The following COPS7B variants were observed in gnomAD, a reference collection of about 807,000 sequenced individuals.
The protein encoded by COPS7B is COP9 signalosome subunit 7B, also known as COP9 signalosome complex subunit 7b.
COPS7B carries 9 observed loss-of-function variants against 33.4 expected under a neutral mutation model. The ratio of observed to expected loss-of-function variants is 0.27; its 90% confidence interval spans 0.16 to 0.47. The LOEUF is 0.47. COPS7B is among the 20% of genes least tolerant of loss of function. The pLI, the probability that COPS7B is intolerant of heterozygous loss-of-function variation, is 0.99. For synonymous variants in COPS7B, 119 were observed against 126.3 expected, an observed-to-expected ratio of 0.94 and a Z score of 0.39; for missense variants, 242 against 318.2, an observed-to-expected ratio of 0.76 and a Z score of 1.82.
At chr2:231,805,100 G>A (rs1272492186) in intron 6 of COPS7B, among the ~76,000 whole-genome samples, 2 of 152,200 alleles carry the variant, frequency 1.3e-5, no homozygotes, top group Non-Finnish European at 2.9e-5. Flanking sequence ...TTAGGAGGCT[G>A]AGGCAGGCAA....
At chr2:231,786,394 G>T, upstream of COPS7B, 1 of 962,272 alleles carries the variant, frequency 1.0e-6, no homozygotes, top group Non-Finnish European at 1.2e-6. Context: ...GCGGTGGGAG[G>T]CTTCCGGGGG....
rs1354326196 is a variant in COPS7B at position 231,796,146 on chromosome 2, G to A, written c.368G>A (p.Arg123Gln). 8.1e-6 allele frequency: 13 copies of A among 1,613,924 alleles called. No homozygotes were observed. In the East Asian group the frequency reaches 1.3e-4, roughly 17 times the overall value. ...YSVLLKDLEM[R>Q]NLRELEDLII... is the part of the protein sequence containing the mutation. The stretch of plus-strand genomic sequence containing the variant: ...GTGTTGCTGAAAGACCTGGAGATGC[G>A]GAATCTCCGGGAACTAGAAGACCTT... Residue 123 changes from arginine (R) to glutamine (Q), a missense_variant, in exon 5 of 7, where the codon CGG becomes CAG. Arg to Gln is a conservative substitution (Grantham distance 43, BLOSUM62 1). Coordinates refer to ENST00000350033, the MANE Select transcript of COPS7B (RefSeq NM_022730.4).
intron 2 of COPS7B, 89 bp from the exon 3 acceptor site, chr2:231,791,644 T>C (rs1410089548): frequency 9.0e-7 from 1 of 1,116,290 alleles, no homozygotes; most frequent in Non-Finnish European, 1.4e-6. Context: ...CCATGGCATC[T>C]TTGACACATG....
At chr2:231,784,703 T>C (rs2049199047), upstream of COPS7B, among the ~76,000 whole-genome samples, 1 of 152,194 alleles carries the variant, frequency 6.6e-6, no homozygotes, top group South Asian at 2.1e-4. Flanking sequence ...CTGGGTGTTA[T>C]GCTCCCTCCC....
upstream of COPS7B, chr2:231,781,753 G>GC: frequency 7.4e-7 from 1 of 1,354,746 alleles, no homozygotes; most frequent in Non-Finnish European, 1.0e-6. Flanking sequence ...AAACCCGCCC[G>GC]CTGAGTTGGT....
chr2:231,794,122 A>G (rs536077766), intron 3 of COPS7B, 141 bp from the exon 4 acceptor site: 23 of 576,732 alleles, frequency 4.0e-5, no homozygotes, highest in African/African-American at 3.9e-4. Context: ...GAAGACAGGA[A>G]TATTTGTCAA....
chr2:231,807,371 A>G, intron 6 of COPS7B, 116 bp from the exon 7 acceptor site: 3 of 1,010,358 alleles, frequency 3.0e-6, no homozygotes, highest in Non-Finnish European at 4.2e-6. Flanking sequence ...TCTGAAGAGA[A>G]TTTCAGGTTT....
At chr2:231,803,857 A>G (rs1014978002) in intron 6 of COPS7B, among the ~76,000 whole-genome samples, 19 of 152,300 alleles carry the variant, frequency 1.2e-4, no homozygotes, top group African/African-American at 4.3e-4. Context: ...AAAAAGAGTA[A>G]AACAGCAAAG....
intron 6 of COPS7B, among the ~76,000 whole-genome samples, chr2:231,804,225 A>G (rs971844947): frequency 6.6e-6 from 1 of 151,446 alleles, no homozygotes; most frequent in Non-Finnish European, 1.5e-5. Flanking sequence ...AATAATGTAG[A>G]AAACTATTTG....
Position 231,794,345 on chromosome 2 carries a change from A to C in COPS7B, c.321A>C (p.Arg107Ser). The C allele has an allele frequency of 6.2e-7, 1 of 1,613,722 alleles. No individual in the cohort carries two copies. The highest frequency in any genetic ancestry group is 2.2e-5 in the East Asian group (1 of 44,860). Residue 107 changes from arginine to serine, a missense_variant, in exon 4 of 7, where the codon AGA (arginine) becomes AGC (serine). Transcript: ENST00000350033. ...TTACCATCGTGAGCTTGGCATCAAGAATGAAGGTACGGTACTGAGCCTTCT... is the reference window on the plus strand; with the variant it reads ...TTACCATCGTGAGCTTGGCATCAAGCATGAAGGTACGGTACTGAGCCTTCT... The part of the protein sequence containing the change: ...KHLTIVSLAS[R>S]MKCIPYSVLL...
At chr2:231,794,006 T>G in intron 3 of COPS7B, 1 of 458,278 alleles carries the variant, frequency 2.2e-6, no homozygotes, top group Non-Finnish European at 4.0e-6. Context: ...TAGTACTCCA[T>G]TAAGATAATT....
At chr2:231,802,617 T>A (rs1293697025) in intron 6 of COPS7B, among the ~76,000 whole-genome samples, 1 of 152,194 alleles carries the variant, frequency 6.6e-6, no homozygotes, top group Non-Finnish European at 1.5e-5. Context: ...GTGGTGATGA[T>A]ATTTGTTGTC....
At chr2:231,806,524 T>C (rs1229889690) in intron 6 of COPS7B, among the ~76,000 whole-genome samples, 1 of 138,390 alleles carries the variant, frequency 7.2e-6, no homozygotes. Flanking sequence ...CTATACTCCA[T>C]CCTGTACAAC....
chr2:231,801,760 G>A (rs190844900), intron 6 of COPS7B, among the ~76,000 whole-genome samples: 77 of 151,334 alleles, frequency 5.1e-4, no homozygotes, highest in South Asian at 1.3e-3. Context: ...GAGCCACCAT[G>A]CCCAACCTAC....
At chr2:231,784,144 G>A (rs1192951831), upstream of COPS7B, among the ~76,000 whole-genome samples, 1 of 151,652 alleles carries the variant, frequency 6.6e-6, no homozygotes, top group African/African-American at 2.4e-5. Flanking sequence ...GGTGGGGTGC[G>A]ACAAAGCTGG....
upstream of COPS7B, among the ~76,000 whole-genome samples, chr2:231,785,472 C>T (rs1407592441): frequency 2.0e-5 from 3 of 152,176 alleles, no homozygotes; most frequent in African/African-American, 7.2e-5. Context: ...TCTTCCCCAA[C>T]CTCTTCTGTG....
chr2:231,787,837 C>T (rs2049295487), intron 1 of COPS7B, among the ~76,000 whole-genome samples: 1 of 152,180 alleles, frequency 6.6e-6, no homozygotes, highest in African/African-American at 2.4e-5. Context: ...GGAGCTGTAA[C>T]TGATTGCTTT....
chr2:231,795,139 G>A (rs2049530287), intron 4 of COPS7B, among the ~76,000 whole-genome samples: 2 of 151,896 alleles, frequency 1.3e-5, no homozygotes, highest in Admixed American at 1.3e-4. Flanking sequence ...GGCTGGTCTT[G>A]AACTCCTGAC....
chr2:231,800,050 A>AT (rs918212711), intron 6 of COPS7B, among the ~76,000 whole-genome samples: 14 of 152,200 alleles, frequency 9.2e-5, no homozygotes, highest in East Asian at 5.8e-4. Flanking sequence ...ACTTGAGCTA[A>AT]TTTTTTTGAA....
Sources: gnomAD v4.1 joint callset for allele counts (sites outside exome capture counted in the v4.1 genomes callset) on GRCh38, gnomAD v4.1.1 for gene constraint, MANE v1.5 for transcripts, NCBI Gene and HGNC (gene_info 2026-07-23, HGNC 2026-07-21) for gene names.